Variants in GRID2 observed in about 807,000 individuals in gnomAD.
GRID2 encodes the protein glutamate receptor ionotropic, delta-2.
A neutral mutation model predicts 114.8 loss-of-function variants in GRID2; 33 were observed. The ratio of observed to expected loss-of-function variants is 0.29; its 90% CI spans 0.22 to 0.38. The LOEUF is 0.38. Ranked by LOEUF, GRID2 falls within the 10% of genes least tolerant of loss-of-function variation. The probability of loss-of-function intolerance (pLI) is 1.00; values close to 1 mark genes in which losing one functional copy is unlikely to be tolerated. For missense variants in GRID2, 1,184 were observed against 1,257.7 expected, an observed-to-expected ratio of 0.94 and a Z score of 0.89; for synonymous variants, 505 against 449.9, an observed-to-expected ratio of 1.12 and a Z score of -1.55.
intron 2 of GRID2, among the ~76,000 whole-genome samples, chr4:92,918,859 G>A (rs957428552): frequency 6.6e-5 from 10 of 152,162 alleles, no homozygotes; most frequent in Admixed American, 2.6e-4. Context: ...GATGATGCTG[G>A]CCTCATAAAA....
intron 1 of GRID2, among the ~76,000 whole-genome samples, chr4:92,495,870 C>T (rs1723365621): frequency 6.6e-6 from 1 of 151,824 alleles, no homozygotes; most frequent in South Asian, 2.1e-4. Flanking sequence ...CTAGTGAGAT[C>T]GGAAAGATTT....
At chr4:93,061,195 TG>T (rs1178472220) in intron 2 of GRID2, among the ~76,000 whole-genome samples, 1 of 120,512 alleles carries the variant, frequency 8.3e-6, no homozygotes, top group Non-Finnish European at 1.8e-5. Context: ...AGGTTTTTCT[TG>T]TTTTTTTTTT....
At chr4:92,631,848 A>T (rs536265865) in intron 2 of GRID2, among the ~76,000 whole-genome samples, 3 of 152,262 alleles carry the variant, frequency 2.0e-5, no homozygotes, top group African/African-American at 7.2e-5. Context: ...GAAACTGTTG[A>T]TAAAAGAACA....
At chr4:93,246,543 G>A (rs1173544285) in intron 8 of GRID2, among the ~76,000 whole-genome samples, 1 of 150,330 alleles carries the variant, frequency 6.7e-6, no homozygotes, top group South Asian at 2.1e-4. Flanking sequence ...GCCGAGATTG[G>A]GCCATTGCAC....
At chr4:92,348,940 C>T (rs138839835) in intron 1 of GRID2, among the ~76,000 whole-genome samples, 1 of 151,700 alleles carries the variant, frequency 6.6e-6, no homozygotes, top group East Asian at 1.9e-4. Context: ...AATTGGTGGA[C>T]CTAAGAGAGT....
intron 7 of GRID2, among the ~76,000 whole-genome samples, chr4:93,234,055 A>G (rs985682859): frequency 6.6e-6 from 1 of 152,134 alleles, no homozygotes. Context: ...TACAAATCTG[A>G]AGGAAAGAGA....
intron 1 of GRID2, among the ~76,000 whole-genome samples, chr4:92,408,599 C>T (rs992384185): frequency 6.6e-6 from 1 of 151,144 alleles, no homozygotes; most frequent in African/African-American, 2.4e-5. Flanking sequence ...ACTGATTCTT[C>T]CAATCCATAA....
At chr4:93,238,563 T>A in intron 8 of GRID2, 73 bp downstream of exon 8, 1 of 1,307,416 alleles carries the variant, frequency 7.6e-7, no homozygotes, top group Non-Finnish European at 1.1e-6. Flanking sequence ...CCATGCAGTA[T>A]GATCACAGTA....
In GRID2 at chr4:92,975,156, C is replaced by CAAAAAAAAAA. The variant is rs527770693; in HGVS notation, c.245-109827_245-109818dup. On this transcript the variant is annotated intron_variant, in intron 2 of 15. Coordinates refer to ENST00000282020, the MANE Select transcript of GRID2 (RefSeq NM_001510.4). ...TGGGCGACAGAGTGAGATTCCGCCT[C>CAAAAAAAAAA]AAAAAAAAAAAAAAAAAAAAAGGTG... Among the ~76,000 whole-genome samples, 14 of 46,676 alleles carry CAAAAAAAAAA rather than the reference C, an allele frequency of 3.0e-4. 1 individual carries two copies. The highest frequency in any genetic ancestry group is 9.8e-4 in the African/African-American group (10 of 10,196). 30.6% of individuals were successfully genotyped at this position (46,676 alleles called of 152,430 possible).
chr4:92,573,282 T>A (rs1376623384), intron 1 of GRID2, among the ~76,000 whole-genome samples: 1 of 152,120 alleles, frequency 6.6e-6, no homozygotes, highest in Non-Finnish European at 1.5e-5. Flanking sequence ...GGATTTCAGT[T>A]TTCGAAGGGT....
At chr4:93,127,950 G>A (rs1375952327) in intron 4 of GRID2, among the ~76,000 whole-genome samples, 2 of 140,450 alleles carry the variant, frequency 1.4e-5, no homozygotes, top group African/African-American at 5.2e-5. Flanking sequence ...GATCCCCAGG[G>A]TTCAAGGTTA....
chr4:92,648,136 G>A (rs572297918), intron 2 of GRID2, among the ~76,000 whole-genome samples: 10 of 149,820 alleles, frequency 6.7e-5, no homozygotes, highest in Non-Finnish European at 1.2e-4. Flanking sequence ...GAGATCTGTA[G>A]CATTCAGTGC....
At chr4:93,731,922 G>A (rs1730516333) in intron 14 of GRID2, among the ~76,000 whole-genome samples, 2 of 152,088 alleles carry the variant, frequency 1.3e-5, no homozygotes, top group African/African-American at 4.8e-5. Flanking sequence ...AAACATCACA[G>A]ACCCGTCTTC....
chr4:93,083,734 T>C (rs987480283), intron 2 of GRID2, among the ~76,000 whole-genome samples: 1 of 151,876 alleles, frequency 6.6e-6, no homozygotes, highest in Non-Finnish European at 1.5e-5. Flanking sequence ...CCTTGATGCT[T>C]TCACATTTAT....
At chr4:93,328,706 G>GA (rs1758113023) in intron 8 of GRID2, among the ~76,000 whole-genome samples, 2 of 148,354 alleles carry the variant, frequency 1.3e-5, no homozygotes, top group East Asian at 1.9e-4. Context: ...TGGATGGATG[G>GA]TTGGATGGAT....
intron 12 of GRID2, among the ~76,000 whole-genome samples, chr4:93,495,411 T>A (rs1389867399): frequency 6.6e-6 from 1 of 151,804 alleles, no homozygotes; most frequent in African/African-American, 2.4e-5. Flanking sequence ...GATCTAATTA[T>A]GCTTAGAAAT....
chr4:92,630,060 T>C (rs912487698), intron 2 of GRID2, among the ~76,000 whole-genome samples: 1 of 151,978 alleles, frequency 6.6e-6, no homozygotes, highest in Non-Finnish European at 1.5e-5. Flanking sequence ...AAAATGTTGT[T>C]TTATTCATTT....
At chr4:92,471,795 G>A (rs1240369271) in intron 1 of GRID2, among the ~76,000 whole-genome samples, 1 of 151,798 alleles carries the variant, frequency 6.6e-6, no homozygotes, top group Non-Finnish European at 1.5e-5. Flanking sequence ...AGGAAAACGT[G>A]GTTTTTTTCT....
chr4:93,240,205 TA>T (rs1387038451), intron 8 of GRID2, among the ~76,000 whole-genome samples: 1 of 151,644 alleles, frequency 6.6e-6, no homozygotes, highest in Non-Finnish European at 1.5e-5. Flanking sequence ...CTTTACCAGA[TA>T]ACATCAAACC....
Sources: gnomAD v4.1 joint callset for allele counts (sites outside exome capture counted in the v4.1 genomes callset) on GRCh38, gnomAD v4.1.1 for gene constraint, MANE v1.5 for transcripts, NCBI Gene and HGNC (gene_info 2026-07-23, HGNC 2026-07-21) for gene names.